ATAD2: variants seen among roughly 807,000 people sequenced by gnomAD.
ATAD2 encodes the protein ATPase family AAA domain-containing protein 2.
In ATAD2, 62 loss-of-function variants were observed where a neutral mutation model predicts 168.9. The ratio of observed to expected loss-of-function variants is 0.37; its 90% confidence interval spans 0.30 to 0.45. The LOEUF is 0.45. Among genes scored for constraint, ATAD2 ranks in the 20% least tolerant of loss-of-function variants. The pLI, the probability that ATAD2 is intolerant of heterozygous loss-of-function variation, is 1.00. For synonymous variants in ATAD2, 613 were observed against 571.6 expected, an observed-to-expected ratio of 1.07 and a Z score of -1.03; for missense variants, 1,419 against 1,667.8, an observed-to-expected ratio of 0.85 and a Z score of 2.60.
intron 1 of ATAD2, among the ~76,000 whole-genome samples, chr8:123,412,995 C>G (rs12707901): frequency 0.65 from 98,998 of 151,922 alleles, 33,040 homozygotes; most frequent in East Asian, 0.97. Context: ...ACTAAAAGGG[C>G]TTAGAATTGT....
chr8:123,336,662 A>G (rs1269193528), intron 21 of ATAD2, 130 bp from the exon 22 acceptor site: 1 of 687,272 alleles, frequency 1.5e-6, no homozygotes, highest in Non-Finnish European at 2.1e-6. Context: ...TATTTAACAT[A>G]AAACCTTTCA....
chr8:123,346,980 A>G (rs1828264867), intron 16 of ATAD2, 112 bp downstream of exon 16: 3 of 1,254,552 alleles, frequency 2.4e-6, no homozygotes. Flanking sequence ...GTAAAGCATT[A>G]CCAAATTCTT....
intron 24 of ATAD2, among the ~76,000 whole-genome samples, chr8:123,332,221 T>C (rs1019532691): frequency 5.9e-5 from 9 of 152,086 alleles, no homozygotes; most frequent in Admixed American, 4.6e-4. Flanking sequence ...CCAAAAAAAT[T>C]TCCAAGATAT....
At chr8:123,341,102 T>A (rs1222889099) in intron 19 of ATAD2, among the ~76,000 whole-genome samples, 1 of 152,024 alleles carries the variant, frequency 6.6e-6, no homozygotes, top group Non-Finnish European at 1.5e-5. Flanking sequence ...ACCACCATGC[T>A]CATTTTATTC....
chr8:123,346,229 T>C lies in ATAD2; in HGVS notation c.2389A>G (p.Ile797Val), dbSNP rs1828237562. ...QPMSFRPRIL[I>V]VGEPGFGQGS... is the part of the protein sequence containing the mutation. ...TGCCCAAATCCTGGTTCTCCTACTATCAATATTCTTGGTCGAAAAGACATA... is the reference window on the plus strand; with the variant it reads ...TGCCCAAATCCTGGTTCTCCTACTACCAATATTCTTGGTCGAAAAGACATA... The change falls in exon 18 of 28, where the codon ATA becomes GTA. Residue 797 changes from isoleucine (I) to valine (V), a missense_variant. Physicochemically the swap from Ile to Val is conservative, Grantham distance 29. Coordinates refer to ENST00000287394, the MANE Select transcript of ATAD2 (RefSeq NM_014109.4). 6.2e-7 allele frequency: 1 copy of C among 1,609,130 alleles called. No individual in the cohort carries two copies. Among genetic ancestry groups the C allele is most frequent in the South Asian group, 1.1e-5 (1 of 89,702 alleles).
Position 123,328,380 on chromosome 8 carries a change from A to G in ATAD2, c.3678T>C (p.Asn1226=), listed in dbSNP as rs1198560814. The G allele has an allele frequency of 2.3e-5, 37 of 1,598,488 alleles. No homozygotes were observed. Among genetic ancestry groups the G allele is most frequent in the Non-Finnish European group, 2.6e-5 (30 of 1,174,972 alleles). The change falls in exon 25 of 28, where the codon AAT becomes AAC. Residue 1226 remains asparagine (N), a synonymous_variant. Coordinates refer to ENST00000287394, the MANE Select transcript of ATAD2 (RefSeq NM_014109.4). ...GNTGESSVEE[N]EKQQNASESK... ...TTTCAGAGGCATTTTGCTGTTTTTCATTTTCTTCCACCGAAGACTCTCCTG... is the reference window on the plus strand; with the variant it reads ...TTTCAGAGGCATTTTGCTGTTTTTCGTTTTCTTCCACCGAAGACTCTCCTG...
Position 123,320,859 on chromosome 8 carries a change from CA to C in ATAD2, c.*274del. ...TTAAGTGCCATAAAACATTAGTTAC[CA>C]AAATAACTTTATTAAGAGTTGGCCA... On this transcript the variant is annotated 3_prime_UTR_variant, in exon 28 of 28. Coordinates refer to ENST00000287394, the MANE Select transcript of ATAD2 (RefSeq NM_014109.4). 1 of 338,638 alleles carries C rather than the reference CA, an allele frequency of 3.0e-6. No homozygotes were observed. The highest frequency in any genetic ancestry group is 5.3e-6 in the Non-Finnish European group (1 of 190,066). The allele number at this position is 338,638 out of a possible 1,614,324, so 21.0% of individuals were successfully genotyped here. A position where few individuals can be genotyped will look rare whatever the true frequency, so the allele number is the denominator to read the frequency against.
intron 1 of ATAD2, 155 bp from the exon 2 acceptor site, chr8:123,380,832 GA>G: frequency 1.5e-6 from 1 of 665,176 alleles, no homozygotes; most frequent in Non-Finnish European, 2.5e-6. Flanking sequence ...TTAGTATCTA[GA>G]AAAACCATTT....
intron 20 of ATAD2, 141 bp downstream of exon 20, chr8:123,339,170 T>C (rs566924564): frequency 3.5e-4 from 250 of 720,610 alleles, no homozygotes; most frequent in Middle Eastern, 4.0e-4. Context: ...ATGGGAAGCA[T>C]AGAGATTTTT....
chr8:123,395,267 T>C (rs1183453484), intron 1 of ATAD2, among the ~76,000 whole-genome samples: 2 of 152,136 alleles, frequency 1.3e-5, no homozygotes, highest in East Asian at 1.9e-4. Context: ...CAACCTTCTG[T>C]GAATGCTGAA....
chr8:123,373,425 C>G (rs996477846), intron 2 of ATAD2, among the ~76,000 whole-genome samples: 2 of 151,966 alleles, frequency 1.3e-5, no homozygotes, highest in Non-Finnish European at 2.9e-5. Context: ...TTCTATAATA[C>G]TACAAACAAG....
At chr8:123,371,488 A>G in intron 4 of ATAD2, 150 bp from the exon 5 acceptor site, 1 of 863,392 alleles carries the variant, frequency 1.2e-6, no homozygotes, top group East Asian at 2.8e-5. Flanking sequence ...AAATATTTTA[A>G]AATTTCTTTC....
At chr8:123,395,811 T>C (rs1812798197) in intron 1 of ATAD2, among the ~76,000 whole-genome samples, 1 of 151,722 alleles carries the variant, frequency 6.6e-6, no homozygotes, top group Non-Finnish European at 1.5e-5. Flanking sequence ...AGGGGATGCG[T>C]GTTGCCTCCA....
intron 19 of ATAD2, chr8:123,344,613 C>T: frequency 5.8e-6 from 2 of 343,454 alleles, no homozygotes; most frequent in South Asian, 2.6e-5. Context: ...TCCCAAAGTG[C>T]TGGGATTACA....
chr8:123,354,325 A>T (rs186170818), intron 13 of ATAD2, among the ~76,000 whole-genome samples: 2 of 152,346 alleles, frequency 1.3e-5, no homozygotes, highest in Admixed American at 6.5e-5. Flanking sequence ...AATTCTAAAA[A>T]AGCTTAATTT....
At chr8:123,370,631 T>TA (rs1829123053) in intron 6 of ATAD2, among the ~76,000 whole-genome samples, 1 of 152,034 alleles carries the variant, frequency 6.6e-6, no homozygotes, top group Non-Finnish European at 1.5e-5. Context: ...ACCTTTAAAC[T>TA]AAAAAAGAGA....
At chr8:123,362,067 G>A (rs1056103554) in intron 8 of ATAD2, among the ~76,000 whole-genome samples, 1 of 152,126 alleles carries the variant, frequency 6.6e-6, no homozygotes, top group Non-Finnish European at 1.5e-5. Context: ...CAAGCACAAC[G>A]TAGCGGGACA....
At chr8:123,338,138 C>A (rs1281063049) in intron 20 of ATAD2, among the ~76,000 whole-genome samples, 1 of 152,082 alleles carries the variant, frequency 6.6e-6, no homozygotes, top group Non-Finnish European at 1.5e-5. Flanking sequence ...GGGTGGATCA[C>A]CAGGTCAGGA....
Position 123,349,353 on chromosome 8 carries a change from T to G in ATAD2, c.1738A>C (p.Ile580Leu), listed in dbSNP as rs767357089. 24 of 1,614,146 alleles carry G rather than the reference T, an allele frequency of 1.5e-5. No homozygotes were observed. The African/African-American group carries it at 2.9e-4, about 20-fold the overall frequency. The change falls in exon 14 of 28, where the codon ATA (isoleucine) becomes CTA (leucine). Residue 580 changes from isoleucine to leucine, a missense_variant. This residue lies in a region of ATAD2 where 545 missense variants were observed against 724.9 expected (regional missense o/e 0.75). Transcript: ENST00000287394. Reference sequence around the variant, plus strand: ...CCAGGCCTTCGTAAAGCAGGATCTATAGAATCTAGCCTGTTCGTAGCACCA... The same window carrying G: ...CCAGGCCTTCGTAAAGCAGGATCTAGAGAATCTAGCCTGTTCGTAGCACCA... ...VIGATNRLDS[I>L]DPALRRPGRF...
Sources: allele counts gnomAD v4.1 joint callset (sites outside exome capture counted in the v4.1 genomes callset), GRCh38; gene constraint gnomAD v4.1.1; regional missense constraint gnomAD v4.1.1; transcripts MANE v1.5; gene names NCBI Gene and HGNC (gene_info 2026-07-23, HGNC 2026-07-21).